Variants in UBAC2 observed in about 807,000 individuals in gnomAD.
UBAC2 encodes the protein UBA domain containing 2, also known as ubiquitin-associated domain-containing protein 2.
UBAC2 carries 26 observed loss-of-function variants against 44.0 expected under a neutral mutation model. The ratio of observed to expected loss-of-function variants is 0.59; its 90% CI spans 0.43 to 0.82. The LOEUF is 0.82. Ranked by LOEUF, UBAC2 falls within the 40% of genes least tolerant of loss-of-function variation. The pLI is 0.00. For synonymous variants in UBAC2, 155 were observed against 154.3 expected (o/e 1.00, Z -0.04); for missense variants, 329 against 419.4 (o/e 0.78, Z 1.88).
In UBAC2 at chr13:99,262,710, C is replaced by CAAAAAAAAAAA. The variant is rs61627160; in HGVS notation, c.389+18106_389+18116dup. Among the ~76,000 whole-genome samples, 158 of 57,166 alleles carry CAAAAAAAAAAA rather than the reference C, an allele frequency of 2.8e-3. 11 individuals carry two copies. The highest frequency in any genetic ancestry group is 6.7e-3 in the East Asian group (15 of 2,228). The allele number at this position is 57,166 out of a possible 152,430, so 37.5% of individuals were successfully genotyped here. A position where few individuals can be genotyped will look rare whatever the true frequency, so the allele number is the denominator to read the frequency against. The stretch of plus-strand genomic sequence containing the variant: ...TGGGCAACAGAGCAGAACTCCCTCT[C>CAAAAAAAAAAA]AAAAAAAAAAAAAAAAAAAAAAAAA... On this transcript the variant is annotated intron_variant, in intron 4 of 8. Coordinates refer to ENST00000403766, the MANE Select transcript of UBAC2 (RefSeq NM_001144072.2).
At chr13:99,294,837 C>A in intron 4 of UBAC2, 1 of 409,182 alleles carries the variant, frequency 2.4e-6, no homozygotes, top group Non-Finnish European at 4.3e-6. Flanking sequence ...TATTCGTTTA[C>A]AAATAAAAAT....
At chr13:99,267,218 C>G (rs370272167) in intron 4 of UBAC2, among the ~76,000 whole-genome samples, 4 of 152,040 alleles carry the variant, frequency 2.6e-5, no homozygotes, top group African/African-American at 9.7e-5. Flanking sequence ...ATTTGTTAAT[C>G]TTTCTTGGTT....
chr13:99,324,991 C>T (rs555112556), intron 6 of UBAC2, among the ~76,000 whole-genome samples: 1 of 152,178 alleles, frequency 6.6e-6, no homozygotes, highest in Non-Finnish European at 1.5e-5. Flanking sequence ...AGAATGTGTC[C>T]TTATCATTAA....
chr13:99,375,178 A>G (rs1001657324), intron 8 of UBAC2, among the ~76,000 whole-genome samples: 2 of 152,160 alleles, frequency 1.3e-5, no homozygotes, highest in Non-Finnish European at 2.9e-5. Context: ...TGCTCCATAC[A>G]AGACCCTGAC....
rs768732475 is a variant in UBAC2 at position 99,244,580 on chromosome 13, G to A, written c.345G>A (p.Gln115=). 3 of 1,613,210 alleles carry A rather than the reference G, an allele frequency of 1.9e-6. No individual in the cohort carries two copies. Among genetic ancestry groups the A allele is most frequent in the Non-Finnish European group, 2.5e-6 (3 of 1,179,448 alleles). The stretch of plus-strand genomic sequence containing the variant: ...ACTTTCTCCTCATTGAAGCTATGCA[G>A]TATTTCTTTGGCATCACTGCAGCTA... ...LFDFLLIEAM[Q]YFFGITAASN... is the part of the protein sequence containing the mutation. The change falls in exon 4 of 9, where the codon CAG becomes CAA. Residue 115 remains glutamine, a synonymous_variant. Transcript: ENST00000403766.
intron 1 of UBAC2, among the ~76,000 whole-genome samples, chr13:99,232,198 A>G (rs896922681): frequency 6.6e-6 from 1 of 152,118 alleles, no homozygotes; most frequent in Non-Finnish European, 1.5e-5. Flanking sequence ...AACTGAAGTG[A>G]AAGTAAACCT....
At chr13:99,304,121 G>A (rs1216694744) in intron 4 of UBAC2, among the ~76,000 whole-genome samples, 1 of 152,164 alleles carries the variant, frequency 6.6e-6, no homozygotes, top group African/African-American at 2.4e-5. Context: ...CTCATGATCT[G>A]AGCTCCATTC....
intron 4 of UBAC2, among the ~76,000 whole-genome samples, chr13:99,248,258 A>C (rs779216656): frequency 1.3e-5 from 2 of 151,976 alleles, no homozygotes; most frequent in Non-Finnish European, 2.9e-5. Context: ...GGTCTTATTC[A>C]GTTGCCCAGG....
At chr13:99,228,585 T>G (rs1232283675) in intron 1 of UBAC2, among the ~76,000 whole-genome samples, 1 of 152,210 alleles carries the variant, frequency 6.6e-6, no homozygotes, top group Non-Finnish European at 1.5e-5. Flanking sequence ...TGAGCCACTG[T>G]GCCCAGCCCC....
At chr13:99,280,822 C>T (rs1366034794) in intron 4 of UBAC2, among the ~76,000 whole-genome samples, 1 of 131,720 alleles carries the variant, frequency 7.6e-6, no homozygotes, top group Non-Finnish European at 1.7e-5. Flanking sequence ...TTCCTTCCTT[C>T]TTCTTTCCCT....
At chr13:99,306,807 G>A (rs1472186755) in intron 4 of UBAC2, among the ~76,000 whole-genome samples, 1 of 152,056 alleles carries the variant, frequency 6.6e-6, no homozygotes, top group African/African-American at 2.4e-5. Flanking sequence ...ACTCTTTGCT[G>A]GCGGGAGGGT....
intron 1 of UBAC2, among the ~76,000 whole-genome samples, chr13:99,217,387 A>G (rs1303768666): frequency 3.9e-5 from 6 of 152,166 alleles, no homozygotes; most frequent in Non-Finnish European, 7.3e-5. Context: ...TTTCTCCACC[A>G]TGCAGGCGTG....
chr13:99,343,321 A>G (rs569646308), intron 7 of UBAC2, among the ~76,000 whole-genome samples: 19 of 151,842 alleles, frequency 1.3e-4, no homozygotes, highest in African/African-American at 4.4e-4. Context: ...GATTCTACGG[A>G]CCCCCATTGT....
At chr13:99,276,680 A>C (rs1446743926) in intron 4 of UBAC2, among the ~76,000 whole-genome samples, 1 of 151,940 alleles carries the variant, frequency 6.6e-6, no homozygotes, top group African/African-American at 2.4e-5. Context: ...TGAAAGTTCC[A>C]CCCCTCTAGT....
In UBAC2 at chr13:99,286,122, G is replaced by A. The variant is rs373167817; in HGVS notation, c.390-27975G>A. Among the ~76,000 whole-genome samples the A allele has an allele frequency of 3.9e-5, 6 of 152,308 alleles. No individual in the cohort carries two copies. In the South Asian group the frequency reaches 1.2e-3, roughly 32 times the overall value. On this transcript the variant is annotated intron_variant, in intron 4 of 8. Transcript: ENST00000403766. ...TGGATCTGGCCTTCTAGCCTTTTCA[G>A]CAATTGTATAAGCACCGAATTCTGT...
intron 7 of UBAC2, among the ~76,000 whole-genome samples, chr13:99,364,576 A>G (rs943932043): frequency 2.0e-5 from 3 of 152,112 alleles, no homozygotes; most frequent in Non-Finnish European, 4.4e-5. Flanking sequence ...AGCAGTTTAT[A>G]TAAGATAAGG....
At chr13:99,340,990 A>G (rs2044876696) in intron 7 of UBAC2, among the ~76,000 whole-genome samples, 1 of 151,636 alleles carries the variant, frequency 6.6e-6, no homozygotes, top group Admixed American at 6.6e-5. Flanking sequence ...TATGAAGGCA[A>G]GAAGATTTTC....
intron 1 of UBAC2, among the ~76,000 whole-genome samples, chr13:99,214,479 T>C (rs2042969183): frequency 6.6e-6 from 1 of 152,060 alleles, no homozygotes; most frequent in African/African-American, 2.4e-5. Context: ...GGTTTGCATA[T>C]AGGTTGCAGA....
At position 99,356,188 on chromosome 13, in the gene UBAC2, G is replaced by A. The variant is rs1223936515; in HGVS notation, c.808-11599G>A. On this transcript the variant is annotated intron_variant, in intron 7 of 8. Transcript: ENST00000403766. ...TTGGGTTGCATCCTAAGCTGTGCTG[G>A]AGCTTCCCGATGTACTCTGTAGATG... 3.4e-5 allele frequency: 18 copies of A among 534,614 alleles called. No individual in the cohort carries two copies. The Admixed American group carries it at 3.5e-4, about 10-fold the overall frequency. 33.1% of individuals were successfully genotyped at this position (534,614 alleles called of 1,614,324 possible).
Sources: allele counts gnomAD v4.1 joint callset (sites outside exome capture counted in the v4.1 genomes callset), GRCh38; gene constraint gnomAD v4.1.1; transcripts MANE v1.5; gene names NCBI Gene and HGNC (gene_info 2026-07-23, HGNC 2026-07-21).